Variants in GCNT2 observed in about 807,000 individuals in gnomAD.
The protein encoded by GCNT2 is N-acetyllactosaminide beta-1,6-N-acetylglucosaminyl-transferase.
GCNT2 carries 34 observed loss-of-function variants against 34.2 expected under a neutral mutation model. The observed-to-expected ratio is 1.00, with a 90% confidence interval of 0.76 to 1.32. The LOEUF (loss-of-function observed/expected upper bound fraction) is 1.32, where lower values mean the gene tolerates loss of function less well. Ranked by LOEUF, GCNT2 falls within the 40% of genes most tolerant of loss-of-function variation. The probability of loss-of-function intolerance (pLI) is 0.00; values close to 1 mark genes in which losing one functional copy is unlikely to be tolerated. For missense variants in GCNT2, 584 were observed against 489.4 expected (o/e 1.19, Z -1.82); for synonymous variants, 212 against 188.0 (o/e 1.13, Z -1.04).
At chr6:10,542,772 A>C (rs113921738) in intron 3 of GCNT2, among the ~76,000 whole-genome samples, 1,889 of 151,684 alleles carry the variant, frequency 0.012, 48 homozygotes, top group African/African-American at 0.043. Context: ...GGTTGCTTCT[A>C]CTTTTGGCTT....
rs535391822 is a variant in GCNT2, at chr6:10,584,507, C to T, written c.926-36844C>T. Among the ~76,000 whole-genome samples the T allele has an allele frequency of 4.8e-4, 73 of 152,254 alleles. 2 individuals are homozygous for T. The South Asian group carries it at 0.013, about 27-fold the overall frequency. On this transcript the variant is annotated intron_variant, in intron 3 of 4. Transcript: ENST00000495262. Reference sequence around the variant, plus strand: ...AATCCTCCTCAGCACAGACCCTTTACGGATGTCGGGCTGGGGGGCTGTAAG... The same window carrying T: ...AATCCTCCTCAGCACAGACCCTTTATGGATGTCGGGCTGGGGGGCTGTAAG...
At chr6:10,572,118 A>G (rs1031867285) in intron 3 of GCNT2, among the ~76,000 whole-genome samples, 5 of 152,172 alleles carry the variant, frequency 3.3e-5, no homozygotes, top group African/African-American at 1.2e-4. Flanking sequence ...GCTCTGGGCA[A>G]GCCGGGACAG....
chr6:10,582,311 TAGTA>T (rs1396866755), intron 3 of GCNT2, among the ~76,000 whole-genome samples: 12 of 108,586 alleles, frequency 1.1e-4, no homozygotes, highest in African/African-American at 4.1e-4. Context: ...ATTTAATATA[TAGTA>T]ATATTAAATA....
At chr6:10,617,750 C>CTTCTTTTTT (rs1765849390) in intron 3 of GCNT2, among the ~76,000 whole-genome samples, 2 of 101,740 alleles carry the variant, frequency 2.0e-5, no homozygotes, top group African/African-American at 1.0e-4. Context: ...TGCATTTCTT[C>CTTCTTTTTT]TTTTTTTTTT....
chr6:10,554,051 C>A (rs1762590494), intron 3 of GCNT2, among the ~76,000 whole-genome samples: 1 of 152,184 alleles, frequency 6.6e-6, no homozygotes, highest in Non-Finnish European at 1.5e-5. Context: ...AAGTGAGTGA[C>A]AAGGCATGGC....
At chr6:10,589,094 G>A (rs1764503828) in intron 3 of GCNT2, among the ~76,000 whole-genome samples, 1 of 117,496 alleles carries the variant, frequency 8.5e-6, no homozygotes, top group Admixed American at 9.8e-5. Flanking sequence ...GTAGTGTGGT[G>A]TGTGTGTAGT....
At position 10,621,451 on chromosome 6, in the gene GCNT2, T is replaced by G. The variant is rs1177687560; in HGVS notation, c.1018+8T>G. The G allele has an allele frequency of 1.3e-6, 2 of 1,572,594 alleles. No homozygotes were observed. The highest frequency in any genetic ancestry group is 1.8e-6 in the Non-Finnish European group (2 of 1,142,552). On this transcript the variant is annotated splice_region_variant and intron_variant, in intron 4 of 4. Coordinates refer to ENST00000495262, the MANE Select transcript of GCNT2 (RefSeq NM_145649.5). ...GACACGGAGGCTGCCACGGTGAGGC[T>G]CTCGTTCCATGCTTCTAGGCCACTG...
chr6:10,574,345 C>T (rs1167722635), intron 3 of GCNT2, among the ~76,000 whole-genome samples: 2 of 152,168 alleles, frequency 1.3e-5, no homozygotes, highest in Admixed American at 6.5e-5. Context: ...ACTCTCACCG[C>T]CTTGTGAGGT....
chr6:10,607,511 G>T (rs139074371), intron 3 of GCNT2, among the ~76,000 whole-genome samples: 23 of 151,972 alleles, frequency 1.5e-4, no homozygotes, highest in Non-Finnish European at 7.4e-5. Context: ...CAGCTCCAAC[G>T]CTGAGGATTA....
At chr6:10,591,129 A>C (rs1408683315) in intron 3 of GCNT2, among the ~76,000 whole-genome samples, 1 of 152,216 alleles carries the variant, frequency 6.6e-6, no homozygotes, top group East Asian at 1.9e-4. Context: ...CTCTTCTACC[A>C]GACCTCCTCA....
chr6:10,611,339 T>C (rs1765545448), intron 3 of GCNT2, among the ~76,000 whole-genome samples: 1 of 150,740 alleles, frequency 6.6e-6, no homozygotes, highest in African/African-American at 2.4e-5. Context: ...TCTTTCTTTT[T>C]TTTTTTTTTT....
intron 3 of GCNT2, among the ~76,000 whole-genome samples, chr6:10,598,672 C>A (rs9358656): frequency 0.11 from 16,651 of 152,176 alleles, 1,092 homozygotes; most frequent in Middle Eastern, 0.17. Flanking sequence ...TAGCACATTT[C>A]CCCTTGTTTC....
intron 3 of GCNT2, chr6:10,530,416 C>G (rs573176521): frequency 6.6e-6 from 1 of 152,406 alleles, no homozygotes; most frequent in East Asian, 1.9e-4. Flanking sequence ...AAGCGCAACG[C>G]ATTTAAAATC....
chr6:10,529,009 G>C lies in GCNT2; in HGVS notation c.98G>C (p.Arg33Pro). 5.6e-6 allele frequency: 9 copies of C among 1,613,982 alleles called. No homozygotes were observed. Among genetic ancestry groups the C allele is most frequent in the Non-Finnish European group, 7.6e-6 (9 of 1,179,882 alleles). ...AATACTGAGTTATGGGAGAATAAAC[G>C]TTTTCTGAGGGCAGCTCTGTCCAAT... is the stretch of plus-strand genomic sequence containing the variant. ...VYNTELWENK[R>P]FLRAALSNAS... The change falls in exon 3 of 5, where the codon CGT (arginine) becomes CCT (proline). Residue 33 changes from arginine to proline, a missense_variant. By Grantham distance (103) the Arg-to-Pro change is moderately radical. Coordinates refer to ENST00000495262, the MANE Select transcript of GCNT2 (RefSeq NM_145649.5).
At chr6:10,557,319 G>C in intron 3 of GCNT2, 2 of 1,613,516 alleles carry the variant, frequency 1.2e-6, no homozygotes, top group South Asian at 2.2e-5. Flanking sequence ...GAGCATTTCT[G>C]GGTGACACTC....
At chr6:10,532,247 C>T (rs938965501) in intron 3 of GCNT2, among the ~76,000 whole-genome samples, 10 of 152,140 alleles carry the variant, frequency 6.6e-5, no homozygotes, top group African/African-American at 2.4e-4. Context: ...CCTGACTTCT[C>T]GACTCGATGT....
At chr6:10,549,553 ATCTC>A (rs1166305534) in intron 3 of GCNT2, among the ~76,000 whole-genome samples, 3 of 107,712 alleles carry the variant, frequency 2.8e-5, no homozygotes, top group Admixed American at 2.7e-4. Flanking sequence ...TTCTCTCTCA[ATCTC>A]TCTCTCTTTT....
chr6:10,538,665 T>C (rs1265788052), intron 3 of GCNT2, among the ~76,000 whole-genome samples: 1 of 151,772 alleles, frequency 6.6e-6, no homozygotes, highest in East Asian at 1.9e-4. Context: ...AAGATTGTAA[T>C]TTCCCCAGAT....
chr6:10,561,417 C>T (rs1249833502), intron 3 of GCNT2, among the ~76,000 whole-genome samples: 1 of 152,254 alleles, frequency 6.6e-6, no homozygotes, highest in East Asian at 1.9e-4. Context: ...CCACCTTGGC[C>T]TCCCAGAGTG....
Sources: gnomAD v4.1 joint callset for allele counts (sites outside exome capture counted in the v4.1 genomes callset) on GRCh38, gnomAD v4.1.1 for gene constraint, MANE v1.5 for transcripts, NCBI Gene and HGNC (gene_info 2026-07-23, HGNC 2026-07-21) for gene names.